TENM3: variants seen among roughly 807,000 people sequenced by gnomAD.
TENM3 encodes teneurin transmembrane protein 3, also known as teneurin-3.
Under a neutral mutation model 255.1 loss-of-function variants are expected in TENM3, and 63 were observed. The ratio of observed to expected loss-of-function variants is 0.25; its 90% CI spans 0.20 to 0.30. The LOEUF (loss-of-function observed/expected upper bound fraction) is 0.30, where lower values mean the gene tolerates loss of function less well. Among genes scored for constraint, TENM3 ranks in the 10% least tolerant of loss-of-function variants. TENM3 has a pLI of 1.00. For synonymous variants in TENM3, 1,306 were observed against 1,322.3 expected (o/e 0.99, Z 0.27); for missense variants, 2,929 against 3,461.1 (o/e 0.85, Z 3.86).
At chr4:182,460,543 GAAAC>G (rs2151386104) in intron 3 of TENM3, among the ~76,000 whole-genome samples, 1 of 152,248 alleles carries the variant, frequency 6.6e-6, no homozygotes, top group South Asian at 2.1e-4. Context: ...AGGATGGAAA[GAAAC>G]AAAATGAAGG....
At chr4:181,782,813 G>A in the TENM3 span, among the ~76,000 whole-genome samples, 140 of 152,122 alleles carry the variant, frequency 9.2e-4, no homozygotes, top group Non-Finnish European at 1.5e-3. Flanking sequence ...AGATTCTGGT[G>A]TGTTGTGTCT....
the TENM3 span, among the ~76,000 whole-genome samples, chr4:181,889,713 C>T: frequency 6.6e-6 from 1 of 152,136 alleles, no homozygotes; most frequent in East Asian, 1.9e-4. Context: ...GGAACTGTGC[C>T]TTCCATTGTA....
At chr4:181,525,396 C>CAAAAAGAAAAAAAAAAAAAAA in the TENM3 span, among the ~76,000 whole-genome samples, 1 of 97,316 alleles carries the variant, frequency 1.0e-5, no homozygotes, top group Non-Finnish European at 2.1e-5. Flanking sequence ...GACCCTGTTT[C>CAAAAAGAAAAAAAAAAAAAAA]AAAAAAAAAA....
intron 3 of TENM3, among the ~76,000 whole-genome samples, chr4:182,499,462 G>A (rs1377352067): frequency 1.3e-5 from 2 of 152,094 alleles, no homozygotes; most frequent in African/African-American, 4.8e-5. Flanking sequence ...CACTGCAGAG[G>A]CTTTCAGTGA....
the TENM3 span, among the ~76,000 whole-genome samples, chr4:181,939,725 T>C: frequency 1.3e-5 from 2 of 152,194 alleles, no homozygotes; most frequent in Non-Finnish European, 2.9e-5. Flanking sequence ...GCTCAGCACA[T>C]GGCAGGGGCC....
chr4:181,719,590 A>T, the TENM3 span, among the ~76,000 whole-genome samples: 2 of 152,176 alleles, frequency 1.3e-5, no homozygotes, highest in Non-Finnish European at 2.9e-5. Flanking sequence ...CACTAATCCC[A>T]TTCATGAAGG....
In TENM3 at chr4:182,751,926, A is replaced by C. The variant is rs1762400400; in HGVS notation, c.3756A>C (p.Lys1252Asn). The change falls in exon 20 of 28, where the codon AAA becomes AAC. Residue 1252 changes from lysine (K) to asparagine (N), a missense_variant. Physicochemically the swap from Lys to Asn is moderately conservative, Grantham distance 94. Around this residue, in one of 6 missense-constraint regions of TENM3, gnomAD observed 1,608 missense variants for 1,884.4 expected, o/e 0.85. Coordinates refer to ENST00000511685, the MANE Select transcript of TENM3 (RefSeq NM_001080477.4). ...KSLTGAKDLT[K>N]NAEVVAGTGE... is the part of the protein sequence containing the mutation. ...TTACGGGGGCAAAAGACTTGACTAAAAATGCAGAAGTCGTCGCAGGGACAG... is the reference window on the plus strand; with the variant it reads ...TTACGGGGGCAAAAGACTTGACTAACAATGCAGAAGTCGTCGCAGGGACAG... 1 of 1,613,928 alleles carries C rather than the reference A, an allele frequency of 6.2e-7. No homozygotes were observed. The highest frequency in any genetic ancestry group is 8.5e-7 in the Non-Finnish European group (1 of 1,179,880).
At chr4:181,538,218 A>G in the TENM3 span, among the ~76,000 whole-genome samples, 3 of 152,198 alleles carry the variant, frequency 2.0e-5, no homozygotes, top group Non-Finnish European at 4.4e-5. Flanking sequence ...TTATTGATCA[A>G]TACACAGATT....
the TENM3 span, among the ~76,000 whole-genome samples, chr4:181,494,745 C>T: frequency 6.6e-6 from 1 of 152,112 alleles, no homozygotes; most frequent in Non-Finnish European, 1.5e-5. Flanking sequence ...CAGTTTGTCA[C>T]CGTATAGCCA....
intron 3 of TENM3, among the ~76,000 whole-genome samples, chr4:182,388,675 G>A (rs144972556): frequency 1.3e-5 from 2 of 152,260 alleles, no homozygotes; most frequent in African/African-American, 4.8e-5. Context: ...AGAACATTTG[G>A]TAGAAGATTA....
chr4:181,482,748 C>G, the TENM3 span, among the ~76,000 whole-genome samples: 12 of 152,156 alleles, frequency 7.9e-5, 1 homozygote, highest in South Asian at 2.3e-3. Context: ...TATGTTTTGT[C>G]TCTGTATTTT....
At chr4:181,565,995 AAAG>A in the TENM3 span, among the ~76,000 whole-genome samples, 2 of 152,326 alleles carry the variant, frequency 1.3e-5, no homozygotes, top group Admixed American at 6.5e-5. Context: ...AGTTGGAAAA[AAAG>A]GAGATAGAAA....
the TENM3 span, among the ~76,000 whole-genome samples, chr4:181,479,519 C>T: frequency 2.0e-5 from 3 of 152,064 alleles, no homozygotes; most frequent in Non-Finnish European, 4.4e-5. Flanking sequence ...ATCTGTCCAG[C>T]CCTCCTGTCT....
At chr4:182,314,384 G>T (rs537027658) in intron 1 of TENM3, among the ~76,000 whole-genome samples, 1 of 152,078 alleles carries the variant, frequency 6.6e-6, no homozygotes, top group South Asian at 2.1e-4. Context: ...CACCATGACA[G>T]CTGGTAGCAT....
the TENM3 span, among the ~76,000 whole-genome samples, chr4:181,688,228 C>T: frequency 3.3e-5 from 5 of 152,084 alleles, no homozygotes; most frequent in Non-Finnish European, 7.4e-5. Flanking sequence ...CTAACCAGAG[C>T]AAAGGTATTC....
chr4:181,606,898 G>A, the TENM3 span, among the ~76,000 whole-genome samples: 368 of 152,118 alleles, frequency 2.4e-3, 1 homozygote, highest in Non-Finnish European at 3.9e-3. Context: ...GGCCATTTGC[G>A]GGAGCCATGG....
At chr4:182,676,008 A>G (rs1357707158) in intron 7 of TENM3, among the ~76,000 whole-genome samples, 1 of 152,222 alleles carries the variant, frequency 6.6e-6, no homozygotes, top group Non-Finnish European at 1.5e-5. Flanking sequence ...CCTGTGGTTT[A>G]TTCAAGATCA....
chr4:182,586,390 G>A (rs12501254), intron 3 of TENM3, among the ~76,000 whole-genome samples: 50,958 of 152,086 alleles, frequency 0.34, 9,782 homozygotes, highest in East Asian at 0.48. Context: ...TGGCCCTCAT[G>A]TCTCCCATAT....
At chr4:182,105,331 C>T in the TENM3 span, among the ~76,000 whole-genome samples, 52 of 152,196 alleles carry the variant, frequency 3.4e-4, no homozygotes, top group African/African-American at 8.9e-4. Flanking sequence ...GTTCTGAGGC[C>T]GGAGTTTGAA....
Sources: gnomAD v4.1 joint callset for allele counts (sites outside exome capture counted in the v4.1 genomes callset) on GRCh38, gnomAD v4.1.1 for gene constraint, gnomAD v4.1.1 regional missense constraint, MANE v1.5 for transcripts, NCBI Gene and HGNC (gene_info 2026-07-23, HGNC 2026-07-21) for gene names.